The following NFKBIL1 variants were observed in gnomAD, a reference collection of about 807,000 sequenced individuals.
The protein encoded by NFKBIL1 is NFKB inhibitor like 1.
A neutral mutation model predicts 45.4 loss-of-function variants in NFKBIL1; 30 were observed. That is an observed-to-expected ratio of 0.66 (90% CI 0.49 to 0.90). NFKBIL1 has a LOEUF of 0.90. NFKBIL1 is among the 40% of genes least tolerant of loss of function. NFKBIL1 has a pLI of 0.00. For synonymous variants in NFKBIL1, 179 were observed against 197.3 expected, an observed-to-expected ratio of 0.91 and a Z score of 0.78; for missense variants, 434 against 513.4, an observed-to-expected ratio of 0.85 and a Z score of 1.49.
At position 31,558,123 on chromosome 6, in the gene NFKBIL1, G is replaced by C; in HGVS notation, c.658G>C (p.Ala220Pro). Residue 220 changes from alanine (A) to proline (P), a missense_variant, in exon 4 of 4, where the codon GCA (alanine) becomes CCA (proline). Coordinates refer to ENST00000376148, the MANE Select transcript of NFKBIL1 (RefSeq NM_005007.4). This position sits in a 1 kb window ranked among gnomAD's most constrained non-coding sequence, Gnocchi z 7.2. Reference protein sequence around the residue: ...AQKCQQQQREAEGSRRPPRAE... With the variant: ...AQKCQQQQREPEGSRRPPRAE... Reference sequence around the variant, plus strand: ...GAAGTGCCAGCAGCAGCAGCGAGAAGCAGAGGGATCCCGTCGACCCCCACG... The same window carrying C: ...GAAGTGCCAGCAGCAGCAGCGAGAACCAGAGGGATCCCGTCGACCCCCACG... The C allele has an allele frequency of 6.2e-7, 1 of 1,612,398 alleles. No homozygotes were observed. Among genetic ancestry groups the C allele is most frequent in the Non-Finnish European group, 8.5e-7 (1 of 1,179,840 alleles).
Position 31,555,240 on chromosome 6 carries a change from T to C in NFKBIL1, c.335-2388T>C, listed in dbSNP as rs550899196. ...TTTGCCAGTCTATTTTTTTTCTTTT[T>C]TTTTTTTTTTTTTTGAGATGGGAGT... On this transcript the variant is annotated intron_variant, in intron 2 of 3. Transcript: ENST00000376148. Among the ~76,000 whole-genome samples, 1,260 of 143,532 alleles carry C rather than the reference T, an allele frequency of 8.8e-3. 19 individuals carry two copies. The highest frequency in any genetic ancestry group is 0.028 in the African/African-American group (1,095 of 39,550). The allele number at this position is 143,532 out of a possible 152,430, so 94.2% of individuals were successfully genotyped here. A position where few individuals can be genotyped will look rare whatever the true frequency, so the allele number is the denominator to read the frequency against.
Position 31,557,106 on chromosome 6 carries a change from AT to A in NFKBIL1, c.335-503del, listed in dbSNP as rs9279350. ...ATAGTTTGTGGAGACACAAGTAAGA[AT>A]TTTTTTTTTTTTTTTTTTGAGACGG... On this transcript the variant is annotated intron_variant, in intron 2 of 3. Coordinates refer to ENST00000376148, the MANE Select transcript of NFKBIL1 (RefSeq NM_005007.4). This position sits in a 1 kb window ranked among gnomAD's most constrained non-coding sequence, Gnocchi z 5.4. Among the ~76,000 whole-genome samples the A allele has an allele frequency of 0.71, 88,454 of 124,576 alleles. 30,774 individuals are homozygous for A. Among genetic ancestry groups the A allele is most frequent in the Middle Eastern group, 0.91 (207 of 228 alleles). 81.7% of individuals were successfully genotyped at this position (124,576 alleles called of 152,430 possible).
intron 2 of NFKBIL1, among the ~76,000 whole-genome samples, chr6:31,555,977 A>G (rs988653178): frequency 6.6e-6 from 1 of 150,678 alleles, no homozygotes; most frequent in African/African-American, 2.4e-5. Context: ...TCCTCTCTAC[A>G]GTTTTGTAGC....
intron 2 of NFKBIL1, among the ~76,000 whole-genome samples, chr6:31,549,147 A>G (rs1256219211): frequency 1.3e-5 from 2 of 152,190 alleles, no homozygotes; most frequent in Non-Finnish European, 2.9e-5. Flanking sequence ...GTTGTGCCAT[A>G]TATGTTTTGA....
Position 31,550,808 on chromosome 6 carries a change from G to A in NFKBIL1, c.334+2369G>A, listed in dbSNP as rs112950150. On this transcript the variant is annotated intron_variant, in intron 2 of 3. Transcript: ENST00000376148. ...GGGTTCAAGAGATTCTCCTGCCTCAGCCTCCCAAGTAGCTGGGATTACAGG... is the reference window on the plus strand; with the variant it reads ...GGGTTCAAGAGATTCTCCTGCCTCAACCTCCCAAGTAGCTGGGATTACAGG... Among the ~76,000 whole-genome samples, 627 of 152,268 alleles carry A rather than the reference G, an allele frequency of 4.1e-3. 10 individuals carry two copies. Among genetic ancestry groups the A allele is most frequent in the South Asian group, 0.015 (72 of 4,822 alleles).
In NFKBIL1 at chr6:31,548,015, G is replaced by C. The variant is rs1769182542; in HGVS notation, c.58-148G>C. ...TTTTTCAAATCTATCATCTGATAAA[G>C]GATCAGGGTTAGGTTAGGCCTCATC... On this transcript the variant is annotated intron_variant, in intron 1 of 3. Transcript: ENST00000376148. The C allele has an allele frequency of 7.3e-5, 80 of 1,099,942 alleles. 1 individual carries two copies. In the South Asian group the frequency reaches 1.3e-3, roughly 17 times the overall value. 68.1% of individuals were successfully genotyped at this position (1,099,942 alleles called of 1,614,324 possible). A position where few individuals can be genotyped will look rare whatever the true frequency, so the allele number is the denominator to read the frequency against.
chr6:31,553,242 C>T (rs1769539117), intron 2 of NFKBIL1, among the ~76,000 whole-genome samples: 1 of 151,914 alleles, frequency 6.6e-6, no homozygotes, highest in Admixed American at 6.6e-5. Flanking sequence ...CCGTGTTGGC[C>T]AGGCTGGTCT....
Position 31,558,751 on chromosome 6 carries a change from A to T in NFKBIL1, c.*140A>T, listed in dbSNP as rs2150370387. 6.5e-4 allele frequency: 347 copies of T among 537,160 alleles called. No homozygotes were observed. Among genetic ancestry groups the T allele is most frequent in the Middle Eastern group, 1.0e-3 (2 of 1,928 alleles). 33.3% of individuals were successfully genotyped at this position (537,160 alleles called of 1,614,324 possible). ...ATGGGTGGGAGCGAAAGTTGTAACA[A>T]GTGGGGGTGGGGGGTGCGGGCCGCC... On this transcript the variant is annotated 3_prime_UTR_variant, in exon 4 of 4. Coordinates refer to ENST00000376148, the MANE Select transcript of NFKBIL1 (RefSeq NM_005007.4). The surrounding 1 kb of genome is among the most constrained non-coding windows in gnomAD (Gnocchi z 7.2).
At chr6:31,552,947 G>A (rs1342041633) in intron 2 of NFKBIL1, among the ~76,000 whole-genome samples, 4 of 150,630 alleles carry the variant, frequency 2.7e-5, no homozygotes, top group Non-Finnish European at 4.4e-5. Flanking sequence ...CTCATGATCC[G>A]CCCGCCTCGG....
At chr6:31,552,204 A>G (rs1315664981) in intron 2 of NFKBIL1, among the ~76,000 whole-genome samples, 3 of 152,180 alleles carry the variant, frequency 2.0e-5, no homozygotes, top group Non-Finnish European at 4.4e-5. Flanking sequence ...AAATGTTGGG[A>G]TTATAGGCAT....
Position 31,557,558 on chromosome 6 carries a change from T to A in NFKBIL1, c.335-70T>A. On this transcript the variant is annotated intron_variant, in intron 2 of 3. Transcript: ENST00000376148. This position sits in a 1 kb window ranked among gnomAD's most constrained non-coding sequence, Gnocchi z 5.4. ...CCAAGGGAGCGAGTGACCAGCAGGA[T>A]TCAAGATGGCAGCTCTGCCGAGGAG... 7.7e-7 allele frequency: 1 copy of A among 1,294,794 alleles called. No homozygotes were observed. The highest frequency in any genetic ancestry group is 1.7e-5 in the South Asian group (1 of 59,578). 80.2% of individuals were successfully genotyped at this position (1,294,794 alleles called of 1,614,324 possible). A position where few individuals can be genotyped will look rare whatever the true frequency, so the allele number is the denominator to read the frequency against.
chr6:31,547,987 T>A (rs897478760), intron 1 of NFKBIL1, among the ~76,000 whole-genome samples, 176 bp from the exon 2 acceptor site: 29 of 152,096 alleles, frequency 1.9e-4, no homozygotes, highest in Middle Eastern at 6.8e-3. Context: ...TCAAAAAAAA[T>A]TTTTTTTCAA....
At position 31,558,091 on chromosome 6, in the gene NFKBIL1, A is replaced by G; in HGVS notation, c.626A>G (p.His209Arg). The change falls in exon 4 of 4, where the codon CAT becomes CGT. Residue 209 changes from histidine to arginine, a missense_variant. Physicochemically the swap from His to Arg is conservative, Grantham distance 29. Around this residue, in one of 4 missense-constraint regions of NFKBIL1, gnomAD observed 23 missense variants for 46.9 expected, o/e 0.49. Coordinates refer to ENST00000376148, the MANE Select transcript of NFKBIL1 (RefSeq NM_005007.4). This position sits in a 1 kb window ranked among gnomAD's most constrained non-coding sequence, Gnocchi z 7.2. ...TGGTCAGATCGCCTGGCCCGGGAAC[A>G]TGCCCAGAAGTGCCAGCAGCAGCAG... Reference protein sequence around the residue: ...SAWSDRLAREHAQKCQQQQRE... With the variant: ...SAWSDRLARERAQKCQQQQRE... 1 of 1,612,060 alleles carries G rather than the reference A, an allele frequency of 6.2e-7. No individual in the cohort carries two copies.
At position 31,548,302 on chromosome 6, in the gene NFKBIL1, C is replaced by T. The variant is rs1769221502; in HGVS notation, c.197C>T (p.Pro66Leu). 6.2e-7 allele frequency: 1 copy of T among 1,609,524 alleles called. No individual in the cohort carries two copies. Among genetic ancestry groups the T allele is most frequent in the Non-Finnish European group, 8.5e-7 (1 of 1,178,608 alleles). Residue 66 changes from proline (P) to leucine (L), a missense_variant, in exon 2 of 4, where the codon CCC becomes CTC. By Grantham distance (98) the Pro-to-Leu change is moderately conservative. Coordinates refer to ENST00000376148, the MANE Select transcript of NFKBIL1 (RefSeq NM_005007.4). The part of the protein sequence containing the change: ...HPGLDVDAGQ[P>L]PPLHRACARH... ...GGCCTCGATGTAGATGCTGGGCAGC[C>T]CCCACCACTGCACCGGGCCTGTGCC...
chr6:31,550,937 T>TA (rs1292032103), intron 2 of NFKBIL1, among the ~76,000 whole-genome samples: 1 of 152,190 alleles, frequency 6.6e-6, no homozygotes, highest in African/African-American at 2.4e-5. Context: ...CCTGCCAGCC[T>TA]AGCCTCCCAA....
chr6:31,553,308 G>A (rs1769542597), intron 2 of NFKBIL1, among the ~76,000 whole-genome samples: 1 of 152,066 alleles, frequency 6.6e-6, no homozygotes, highest in East Asian at 1.9e-4. Context: ...CAAAGTGCTG[G>A]GATTACAGGC....
intron 2 of NFKBIL1, among the ~76,000 whole-genome samples, chr6:31,552,391 G>A (rs751755731): frequency 2.0e-4 from 30 of 152,088 alleles, no homozygotes; most frequent in Admixed American, 7.2e-4. Flanking sequence ...TCCTGCCTCA[G>A]CCTCCCAAGT....
intron 2 of NFKBIL1, among the ~76,000 whole-genome samples, chr6:31,554,418 G>GAA (rs41268258): frequency 1.3e-5 from 2 of 148,806 alleles, no homozygotes; most frequent in South Asian, 4.2e-4. Context: ...GTCTCAAAAA[G>GAA]AAAAAAAAAG....
In NFKBIL1 at chr6:31,548,195, C is replaced by T. The variant is rs1419972229; in HGVS notation, c.90C>T (p.Arg30=). 2 of 1,613,170 alleles carry T rather than the reference C, an allele frequency of 1.2e-6. No individual in the cohort carries two copies. The highest frequency in any genetic ancestry group is 3.3e-5 in the Admixed American group (2 of 60,034). Residue 30 remains arginine (R), a synonymous_variant, in exon 2 of 4, where the codon CGC becomes CGT. Transcript: ENST00000376148. ...PKSSMASTSR[R]QRRERRFRRY... is the part of the protein sequence containing the mutation. The stretch of plus-strand genomic sequence containing the variant: ...GTTCCATGGCCTCCACTTCCCGCCG[C>T]CAACGCCGAGAACGTCGCTTTCGTC...
Sources: gnomAD v4.1 joint callset for allele counts (sites outside exome capture counted in the v4.1 genomes callset) on GRCh38, gnomAD v4.1.1 for gene constraint, gnomAD v4.1.1 regional missense constraint, Gnocchi (gnomAD v3.1) non-coding constraint, MANE v1.5 for transcripts, NCBI Gene and HGNC (gene_info 2026-07-23, HGNC 2026-07-21) for gene names.